POLR2F: variants seen among roughly 807,000 people sequenced by gnomAD.
POLR2F encodes the protein DNA-directed RNA polymerases I, II, and III subunit RPABC2.
A neutral mutation model predicts 22.7 loss-of-function variants in POLR2F; 12 were observed. The observed-to-expected ratio is 0.53, with a 90% CI of 0.34 to 0.86. POLR2F has a LOEUF of 0.86. Ranked by LOEUF, POLR2F falls within the 40% of genes least tolerant of loss-of-function variation. The probability of loss-of-function intolerance (pLI) is 0.02; values close to 1 mark genes in which losing one functional copy is unlikely to be tolerated. For missense variants in POLR2F, 126 were observed against 171.5 expected, an observed-to-expected ratio of 0.73 and a Z score of 1.48; for synonymous variants, 57 against 66.0, an observed-to-expected ratio of 0.86 and a Z score of 0.66.
chr22:37,991,659 C>T (rs1000918809), intron 1 of POLR2F, among the ~76,000 whole-genome samples: 5 of 152,296 alleles, frequency 3.3e-5, no homozygotes, highest in South Asian at 2.1e-4. Context: ...TGTGGAGGCA[C>T]CATGGCCCCT....
chr22:37,996,893 G>A (rs776630694), intron 1 of POLR2F, among the ~76,000 whole-genome samples: 19 of 152,292 alleles, frequency 1.2e-4, no homozygotes, highest in Admixed American at 2.6e-4. Flanking sequence ...CTGCGATTAC[G>A]ACGCACCTGG....
chr22:38,039,590 C>T (rs1399865523), intron 5 of POLR2F, among the ~76,000 whole-genome samples: 1 of 152,194 alleles, frequency 6.6e-6, no homozygotes, highest in Non-Finnish European at 1.5e-5. Flanking sequence ...GCCCAGGAGC[C>T]AGAGCCCTGG....
At chr22:38,033,320 C>A (rs376284440) in intron 5 of POLR2F, among the ~76,000 whole-genome samples, 64 of 152,290 alleles carry the variant, frequency 4.2e-4, no homozygotes, top group African/African-American at 1.5e-3. Context: ...GATGAGGACT[C>A]TTGAGACCTA....
intron 1 of POLR2F, among the ~76,000 whole-genome samples, chr22:38,001,304 T>C (rs1377226523): frequency 1.3e-5 from 2 of 152,190 alleles, no homozygotes; most frequent in African/African-American, 4.8e-5. Flanking sequence ...ACCCAGTGTG[T>C]TGTGAACAGA....
chr22:37,999,657 G>A (rs1163746977), intron 1 of POLR2F, among the ~76,000 whole-genome samples: 2 of 152,156 alleles, frequency 1.3e-5, no homozygotes, highest in African/African-American at 4.8e-5. Flanking sequence ...CGCAGAGGCA[G>A]TGGGGTGCGG....
rs1017243740 is a variant in POLR2F at position 38,016,242 on chromosome 22, A to C, written c.121-9627A>C. ...TGGGGTCATCATCATGTAGACCCAAAGTGGGCTCTGACCACACCCTTGGGG... is the reference window on the plus strand; with the variant it reads ...TGGGGTCATCATCATGTAGACCCAACGTGGGCTCTGACCACACCCTTGGGG... On this transcript the variant is annotated intron_variant, in intron 1 of 2. Coordinates refer to the POLR2F transcript ENST00000333418. This position sits in a 1 kb window ranked among gnomAD's most constrained non-coding sequence, Gnocchi z 4.4. 6.6e-6 allele frequency among the ~76,000 whole-genome samples: 1 copy of C among 152,192 alleles called. No individual in the cohort carries two copies. Among genetic ancestry groups the C allele is most frequent in the African/African-American group, 2.4e-5 (1 of 41,444 alleles).
In POLR2F at chr22:37,986,213, G is replaced by A; in HGVS notation, c.23G>A (p.Arg8Lys). 6.5e-7 allele frequency: 1 copy of A among 1,542,268 alleles called. No individual in the cohort carries two copies. Among genetic ancestry groups the A allele is most frequent in the Non-Finnish European group, 8.7e-7 (1 of 1,147,586 alleles). Residue 8 changes from arginine to lysine, a missense_variant, in exon 1 of 3, where the codon AGG becomes AAG. Transcript: ENST00000333418. The surrounding 1 kb of genome is among the most constrained non-coding windows in gnomAD (Gnocchi z 4.7). ...CCGCCCTGGATGGACAGAGGGACGA[G>A]GGACGAGCATCTGCCGTCGTGTCCC...
Position 37,986,482 on chromosome 22 carries a change from C to A in POLR2F, c.120+170C>A. ...GTGGAATGTGGGGTCCCACAGCTGC[C>A]CCCTCTCTAACTCCCTGCTTCCTCC... On this transcript the variant is annotated intron_variant, in intron 1 of 2. Coordinates refer to the POLR2F transcript ENST00000333418. The surrounding 1 kb of genome is among the most constrained non-coding windows in gnomAD (Gnocchi z 4.7). 1 of 1,426,858 alleles carries A rather than the reference C, an allele frequency of 7.0e-7. No individual in the cohort carries two copies. The highest frequency in any genetic ancestry group is 9.5e-7 in the Non-Finnish European group (1 of 1,048,524). The allele number at this position is 1,426,858 out of a possible 1,614,324, so 88.4% of individuals were successfully genotyped here.
chr22:37,961,525 G>A (rs1260468724), intron 3 of POLR2F, among the ~76,000 whole-genome samples: 1 of 152,140 alleles, frequency 6.6e-6, no homozygotes, highest in Non-Finnish European at 1.5e-5. Context: ...GGAGAATAAA[G>A]ATTCAGGAGA....
At chr22:38,002,811 C>CG (rs1402905671) in intron 1 of POLR2F, among the ~76,000 whole-genome samples, 1 of 151,302 alleles carries the variant, frequency 6.6e-6, no homozygotes, top group Non-Finnish European at 1.5e-5. Context: ...CTGCAAGCTC[C>CG]GCCTCCTGGG....
At chr22:38,033,383 G>A (rs955671525) in intron 5 of POLR2F, among the ~76,000 whole-genome samples, 1 of 152,162 alleles carries the variant, frequency 6.6e-6, no homozygotes, top group Non-Finnish European at 1.5e-5. Flanking sequence ...TAGAGCCAGG[G>A]CTGGAATTTC....
chr22:37,987,579 G>T, intron 1 of POLR2F: 1 of 338,686 alleles, frequency 3.0e-6, no homozygotes, highest in South Asian at 2.4e-5. Context: ...TGAAGGTCAG[G>T]AAATCTGCTG....
intron 5 of POLR2F, among the ~76,000 whole-genome samples, chr22:38,039,028 C>T (rs374668445): frequency 3.9e-5 from 6 of 152,214 alleles, no homozygotes; most frequent in African/African-American, 9.6e-5. Context: ...CCAGCCTCCG[C>T]GCCAGGCCTC....
chr22:38,009,165 GGGGACAGAGAGGAAGAGATTCGA>G (rs1239134150), intron 1 of POLR2F, among the ~76,000 whole-genome samples: 4 of 152,246 alleles, frequency 2.6e-5, no homozygotes, highest in Non-Finnish European at 5.9e-5. Context: ...AATGAGCGAG[GGGGACAGAGAGGAAGAGATTCGA>G]GGGACCACCA....
rs1931424040 is a variant in POLR2F, at chr22:37,956,850, T to G, written c.90+8T>G. On this transcript the variant is annotated splice_region_variant and intron_variant, in intron 2 of 4. Transcript: ENST00000442738. ...TTGGAGAATGCCGAAGAGGTCAGTA[T>G]TCAGCCTCAGGCTCCCACCTCTGCA... 6.2e-7 allele frequency: 1 copy of G among 1,610,162 alleles called. No individual in the cohort carries two copies. The highest frequency in any genetic ancestry group is 2.2e-5 in the East Asian group (1 of 44,870).
chr22:38,029,186 A>G (rs150191528), downstream of POLR2F, among the ~76,000 whole-genome samples: 1 of 152,244 alleles, frequency 6.6e-6, no homozygotes, highest in African/African-American at 2.4e-5. Context: ...AAGATTAGAG[A>G]TGGATAAGGA....
At chr22:37,959,230 A>G (rs1317786876) in intron 2 of POLR2F, 116 bp from the exon 3 acceptor site, 13 of 982,834 alleles carry the variant, frequency 1.3e-5, no homozygotes, top group African/African-American at 1.1e-4. Context: ...GTCCCCTGGC[A>G]TGCAGTAAGC....
At chr22:37,964,094 T>A (rs1265088206) in intron 3 of POLR2F, among the ~76,000 whole-genome samples, 1 of 150,458 alleles carries the variant, frequency 6.6e-6, no homozygotes, top group African/African-American at 2.5e-5. Flanking sequence ...AGTGAGACTC[T>A]GTTACCAAAA....
chr22:38,028,155 T>C (rs2085031584), downstream of POLR2F, among the ~76,000 whole-genome samples: 1 of 152,162 alleles, frequency 6.6e-6, no homozygotes, highest in Admixed American at 6.5e-5. Flanking sequence ...GTGTGTTCCC[T>C]GACTACCTTG....
Sources: gnomAD v4.1 joint callset for allele counts (sites outside exome capture counted in the v4.1 genomes callset) on GRCh38, gnomAD v4.1.1 for gene constraint, Gnocchi (gnomAD v3.1) non-coding constraint, MANE v1.5 for transcripts, NCBI Gene and HGNC (gene_info 2026-07-23, HGNC 2026-07-21) for gene names.